PCDHA10: variants seen among roughly 807,000 people sequenced by gnomAD.
PCDHA10 encodes the protein protocadherin alpha-10.
Under a neutral mutation model 61.2 loss-of-function variants are expected in PCDHA10, and 45 were observed. That is an observed-to-expected ratio of 0.74 (90% CI 0.58 to 0.94). The LOEUF is 0.94. Ranked by LOEUF, PCDHA10 falls within the 40% of genes least tolerant of loss-of-function variation. The pLI, the probability that PCDHA10 is intolerant of heterozygous loss-of-function variation, is 0.00. For missense variants in PCDHA10, 1,278 were observed against 1,236.2 expected, an observed-to-expected ratio of 1.03 and a Z score of -0.51; for synonymous variants, 602 against 548.8, an observed-to-expected ratio of 1.10 and a Z score of -1.35.
At chr5:140,870,227 A>G in intron 1 of PCDHA10, 1 of 1,614,142 alleles carries the variant, frequency 6.2e-7, no homozygotes, top group Non-Finnish European at 8.5e-7. Flanking sequence ...AGCGTGTCTG[A>G]CCGTGACTCA....
intron 3 of PCDHA10, among the ~76,000 whole-genome samples, chr5:141,000,393 C>CTATA (rs1563650230): frequency 1.3e-4 from 7 of 52,858 alleles, no homozygotes; most frequent in Admixed American, 2.8e-4. Context: ...CTCTCTCTCT[C>CTATA]TCTATATATA....
intron 2 of PCDHA10, 179 bp from the exon 3 acceptor site, chr5:140,982,296 C>G (rs886254601): frequency 8.6e-7 from 1 of 1,167,014 alleles, no homozygotes; most frequent in African/African-American, 1.5e-5. Context: ...AGTAAGTCAG[C>G]AATGCTTCTG....
chr5:140,988,206 G>GA (rs200168674), intron 3 of PCDHA10, among the ~76,000 whole-genome samples: 41 of 150,634 alleles, frequency 2.7e-4, no homozygotes, highest in Admixed American at 4.6e-4. Flanking sequence ...TCCTTATTAG[G>GA]AAAAAAAAAT....
intron 1 of PCDHA10, chr5:140,868,711 A>G (rs2050603151): frequency 1.1e-5 from 2 of 187,754 alleles, no homozygotes; most frequent in Non-Finnish European, 2.2e-5. Flanking sequence ...AGACACAATA[A>G]TTTAAATTTG....
chr5:141,007,524 C>T (rs2098334216), intron 3 of PCDHA10, among the ~76,000 whole-genome samples: 1 of 151,984 alleles, frequency 6.6e-6, no homozygotes, highest in African/African-American at 2.4e-5. Context: ...GCTGATATCT[C>T]GCCACTGCAC....
chr5:140,938,298 A>G (rs549354760), intron 1 of PCDHA10, among the ~76,000 whole-genome samples: 4 of 152,350 alleles, frequency 2.6e-5, no homozygotes, highest in African/African-American at 7.2e-5. Context: ...ATTGCCTATG[A>G]AATTCAGTAT....
chr5:140,955,022 A>G (rs1468442096), intron 1 of PCDHA10, among the ~76,000 whole-genome samples: 2 of 152,182 alleles, frequency 1.3e-5, no homozygotes, highest in Non-Finnish European at 2.9e-5. Flanking sequence ...ACCATTTATT[A>G]AATAGGGAAT....
chr5:140,929,307 C>A, intron 1 of PCDHA10: 1 of 1,570,164 alleles, frequency 6.4e-7, no homozygotes, highest in Non-Finnish European at 8.7e-7. Flanking sequence ...AAGGGGATCA[C>A]GCTAATGTCA....
intron 1 of PCDHA10, chr5:140,863,439 T>C (rs781855193): frequency 3.3e-6 from 2 of 606,238 alleles, no homozygotes; most frequent in East Asian, 4.7e-5. Context: ...GATCTGGTCT[T>C]ACTCGCAGCA....
At chr5:140,940,139 C>G (rs984432706) in intron 1 of PCDHA10, among the ~76,000 whole-genome samples, 16 of 152,010 alleles carry the variant, frequency 1.1e-4, no homozygotes, top group Admixed American at 1.0e-3. Context: ...TAGTGATAAA[C>G]TATTATAGTT....
chr5:140,995,386 A>G (rs1156268381), intron 3 of PCDHA10, among the ~76,000 whole-genome samples: 1 of 152,202 alleles, frequency 6.6e-6, no homozygotes, highest in Non-Finnish European at 1.5e-5. Context: ...TGGGCAGGAT[A>G]AAGCGGGATG....
At chr5:140,943,861 A>AG (rs2093579644) in intron 1 of PCDHA10, among the ~76,000 whole-genome samples, 1 of 152,230 alleles carries the variant, frequency 6.6e-6, no homozygotes, top group South Asian at 2.1e-4. Flanking sequence ...AGTCAAGAAG[A>AG]GGTCTCTGAA....
chr5:140,944,608 G>A (rs2093673405), intron 1 of PCDHA10, among the ~76,000 whole-genome samples: 1 of 152,176 alleles, frequency 6.6e-6, no homozygotes, highest in Non-Finnish European at 1.5e-5. Flanking sequence ...AGAGTAGTGT[G>A]CTGTAGAAGT....
chr5:141,011,288 T>C lies in PCDHA10; in HGVS notation c.*1351T>C, dbSNP rs1379355395. 1 of 153,798 alleles carries C rather than the reference T, an allele frequency of 6.5e-6. No individual in the cohort carries two copies. Among genetic ancestry groups the C allele is most frequent in the Non-Finnish European group, 1.5e-5 (1 of 68,050 alleles). The allele number at this position is 153,798 out of a possible 1,614,324, so 9.5% of individuals were successfully genotyped here. A position where few individuals can be genotyped will look rare whatever the true frequency, so the allele number is the denominator to read the frequency against. On this transcript the variant is annotated 3_prime_UTR_variant, in exon 4 of 4. Transcript: ENST00000307360. ...CTTCTCTTTGGTTTAGTTTTCCTTT[T>C]CTATAACACTCTGAATTGCTAATCT... is the stretch of plus-strand genomic sequence containing the variant.
At chr5:140,984,083 A>C (rs2097086103) in intron 3 of PCDHA10, among the ~76,000 whole-genome samples, 1 of 152,226 alleles carries the variant, frequency 6.6e-6, no homozygotes, top group South Asian at 2.1e-4. Context: ...GATGGAGTGA[A>C]GAAATGATGG....
At chr5:141,000,381 CTCTCTCTCTCTCTCTA>C (rs1443323474) in intron 3 of PCDHA10, among the ~76,000 whole-genome samples, 1 of 61,380 alleles carries the variant, frequency 1.6e-5, no homozygotes, top group African/African-American at 7.4e-5. Flanking sequence ...CTCTCTCTCT[CTCTCTCTCTCTCTCTA>C]TATATATATA....
intron 1 of PCDHA10, chr5:140,882,534 G>A (rs1554174427): frequency 8.7e-6 from 14 of 1,614,086 alleles, no homozygotes; most frequent in Non-Finnish European, 1.1e-5. Flanking sequence ...GTGAATTCTC[G>A]GATCGACCGC....
intron 1 of PCDHA10, chr5:140,863,374 A>C: frequency 5.3e-5 from 60 of 1,135,154 alleles, no homozygotes; most frequent in Non-Finnish European, 7.5e-5. Flanking sequence ...GGCGCAGCTC[A>C]CCGAGAGCTC....
At chr5:140,907,480 CA>C (rs1384591200) in intron 1 of PCDHA10, among the ~76,000 whole-genome samples, 2 of 152,212 alleles carry the variant, frequency 1.3e-5, no homozygotes, top group African/African-American at 4.8e-5. Context: ...GCAGGATAGG[CA>C]AACCCATATC....
Sources: gnomAD v4.1 joint callset for allele counts (sites outside exome capture counted in the v4.1 genomes callset) on GRCh38, gnomAD v4.1.1 for gene constraint, MANE v1.5 for transcripts, NCBI Gene and HGNC (gene_info 2026-07-23, HGNC 2026-07-21) for gene names.